DNAJC6: variants seen among roughly 807,000 people sequenced by gnomAD.
The protein encoded by DNAJC6 is auxilin.
In DNAJC6, 34 loss-of-function variants were observed where a neutral mutation model predicts 110.0. That is an observed-to-expected ratio of 0.31 (90% CI 0.24 to 0.41). The LOEUF is 0.41. Ranked by LOEUF, DNAJC6 falls within the 10% of genes least tolerant of loss-of-function variation. The probability of loss-of-function intolerance (pLI) is 1.00; values close to 1 mark genes in which losing one functional copy is unlikely to be tolerated. For missense variants in DNAJC6, 1,031 were observed against 1,207.8 expected (o/e 0.85, Z 2.17); for synonymous variants, 406 against 437.2 (o/e 0.93, Z 0.89).
intron 17 of DNAJC6, among the ~76,000 whole-genome samples, chr1:65,409,422 A>G (rs956550969): frequency 6.6e-6 from 1 of 152,116 alleles, no homozygotes; most frequent in African/African-American, 2.4e-5. Flanking sequence ...GGCAATATAG[A>G]TTTCTTTTGT....
chr1:65,309,692 A>G lies in DNAJC6; in HGVS notation c.-54A>G, dbSNP rs1486164931. 1.1e-5 allele frequency: 16 copies of G among 1,514,902 alleles called. No individual in the cohort carries two copies. Among genetic ancestry groups the G allele is most frequent in the Admixed American group, 1.1e-4 (5 of 47,492 alleles). The allele number at this position is 1,514,902 out of a possible 1,614,324, so 93.8% of individuals were successfully genotyped here. A position where few individuals can be genotyped will look rare whatever the true frequency, so the allele number is the denominator to read the frequency against. On this transcript the variant is annotated 5_prime_UTR_variant, in exon 1 of 19. Coordinates refer to ENST00000371069, the MANE Select transcript of DNAJC6 (RefSeq NM_001256864.2). ...CCTTCTTCAGCCCTTTCCACCTTCC[A>G]TCTCCCTTTTCGCTTCCCAGGTTGA...
intron 6 of DNAJC6, among the ~76,000 whole-genome samples, chr1:65,384,565 G>A (rs1267589612): frequency 6.6e-6 from 1 of 152,210 alleles, no homozygotes; most frequent in Non-Finnish European, 1.5e-5. Context: ...GAAGGGGAAG[G>A]AGGAGCAAAG....
intron 1 of DNAJC6, among the ~76,000 whole-genome samples, chr1:65,356,523 C>T (rs2375698): frequency 0.012 from 1,892 of 151,668 alleles, 24 homozygotes; most frequent in Non-Finnish European, 0.018. Flanking sequence ...GAGACTGCAC[C>T]ACTGCACTGC....
chr1:65,317,198 A>G (rs1357276981), intron 1 of DNAJC6, among the ~76,000 whole-genome samples: 3 of 152,236 alleles, frequency 2.0e-5, no homozygotes, highest in Non-Finnish European at 2.9e-5. Flanking sequence ...TTTGAGATGG[A>G]TGAAGAATGC....
At chr1:65,387,147 G>A (rs1025102296) in intron 8 of DNAJC6, among the ~76,000 whole-genome samples, 1 of 152,170 alleles carries the variant, frequency 6.6e-6, no homozygotes, top group Non-Finnish European at 1.5e-5. Context: ...CATGATGTCC[G>A]TGCCAGAGGA....
intron 1 of DNAJC6, among the ~76,000 whole-genome samples, chr1:65,345,266 G>GTA: frequency 1.4e-5 from 2 of 139,282 alleles, no homozygotes; most frequent in African/African-American, 5.3e-5. Flanking sequence ...GTGTGTGTGT[G>GTA]TATTTTGCCC....
chr1:65,338,837 C>T (rs1443540743), intron 1 of DNAJC6, among the ~76,000 whole-genome samples: 3 of 151,950 alleles, frequency 2.0e-5, no homozygotes, highest in Non-Finnish European at 4.4e-5. Flanking sequence ...AAGCTAATGC[C>T]CAGGTATGAC....
Position 65,398,484 on chromosome 1 carries a change from G to A in DNAJC6, c.2039-329G>A, listed in dbSNP as rs369387319. 5.9e-5 allele frequency among the ~76,000 whole-genome samples: 9 copies of A among 152,272 alleles called. No homozygotes were observed. The East Asian group carries it at 1.5e-3, about 26-fold the overall frequency. On this transcript the variant is annotated intron_variant, in intron 13 of 18. Transcript: ENST00000371069. ...CATAAGATAGTTCTTTCCTGACTTC[G>A]AGGGACTGACAATTGAATGGAGACA... is the stretch of plus-strand genomic sequence containing the variant.
At chr1:65,279,326 C>A in intron 1 of DNAJC6, 2 of 243,958 alleles carry the variant, frequency 8.2e-6, no homozygotes, top group Non-Finnish European at 1.3e-5. Flanking sequence ...GAGGTAGCTG[C>A]AGGGAAGGGG....
In DNAJC6 at chr1:65,398,759, A is replaced by G. The variant is rs147050982; in HGVS notation, c.2039-54A>G. ...TGGCATTATCCTGTGTGAACTCAGA[A>G]AAGTGGGTTCTGAGCTCTCTTGTTC... On this transcript the variant is annotated intron_variant, in intron 13 of 18. Transcript: ENST00000371069. 65 of 1,598,522 alleles carry G rather than the reference A, an allele frequency of 4.1e-5. No homozygotes were observed. The East Asian group carries it at 1.1e-3, about 26-fold the overall frequency.
intron 2 of DNAJC6, 102 bp from the exon 3 acceptor site, chr1:65,365,783 T>C (rs1483665790): frequency 7.7e-7 from 1 of 1,299,854 alleles, no homozygotes; most frequent in East Asian, 2.3e-5. Flanking sequence ...ACATGCCCCC[T>C]GGACAGCGGT....
At chr1:65,404,023 T>C (rs543668610) in intron 15 of DNAJC6, among the ~76,000 whole-genome samples, 1 of 152,340 alleles carries the variant, frequency 6.6e-6, no homozygotes, top group East Asian at 1.9e-4. Context: ...AAAACACATA[T>C]GTTCAGAACA....
At chr1:65,392,256 G>T (rs1383292097) in intron 11 of DNAJC6, among the ~76,000 whole-genome samples, 175 bp from the exon 12 acceptor site, 2 of 152,086 alleles carry the variant, frequency 1.3e-5, no homozygotes, top group Non-Finnish European at 2.9e-5. Context: ...CTCAACAAGT[G>T]GTAGTTGAAT....
chr1:65,384,285 T>C lies in DNAJC6; in HGVS notation c.759T>C (p.Tyr253=). The C allele has an allele frequency of 1.3e-6, 2 of 1,584,418 alleles. No homozygotes were observed. Among genetic ancestry groups the C allele is most frequent in the Non-Finnish European group, 1.7e-6 (2 of 1,167,394 alleles). ...STPGPAIRLL[Y]AKRPGIGLSP... is the part of the protein sequence containing the mutation. ...CTGGCCCAGCCATTCGATTGCTATATGCAAAGCGACCAGGAATTGGACTTT... is the reference window on the plus strand; with the variant it reads ...CTGGCCCAGCCATTCGATTGCTATACGCAAAGCGACCAGGAATTGGACTTT... The change falls in exon 6 of 19, where the codon TAT becomes TAC. Residue 253 remains tyrosine, a synonymous_variant. Coordinates refer to ENST00000371069, the MANE Select transcript of DNAJC6 (RefSeq NM_001256864.2).
At chr1:65,271,491 A>C (rs181563384) in intron 1 of DNAJC6, among the ~76,000 whole-genome samples, 1 of 152,214 alleles carries the variant, frequency 6.6e-6, no homozygotes, top group Non-Finnish European at 1.5e-5. Context: ...GATTCCACAC[A>C]CAAGTGAGAT....
chr1:65,272,552 T>G (rs1180837407), intron 1 of DNAJC6, among the ~76,000 whole-genome samples: 1 of 152,256 alleles, frequency 6.6e-6, no homozygotes, highest in East Asian at 1.9e-4. Flanking sequence ...TAAAATGAAT[T>G]AGGAAGTATT....
In DNAJC6 at chr1:65,267,473, C is replaced by G. The variant is rs533548563; in HGVS notation, c.-131+2541C>G. The stretch of plus-strand genomic sequence containing the variant: ...AACTGTCAGAAATCATTGCACATAG[C>G]AGAGGTAACTACTGTTTCCTGAAAC... On this transcript the variant is annotated intron_variant, in intron 1 of 19. Coordinates refer to the DNAJC6 transcript ENST00000263441. Among the ~76,000 whole-genome samples, 11 of 152,092 alleles carry G rather than the reference C, an allele frequency of 7.2e-5. No individual in the cohort carries two copies. In the East Asian group the frequency reaches 2.1e-3, roughly 29 times the overall value.
At chr1:65,335,559 A>C (rs1336984706) in intron 1 of DNAJC6, among the ~76,000 whole-genome samples, 1 of 152,192 alleles carries the variant, frequency 6.6e-6, no homozygotes, top group Non-Finnish European at 1.5e-5. Flanking sequence ...CTGAAAAAGA[A>C]ACATTTAAGG....
chr1:65,355,690 A>T (rs1260991461), intron 1 of DNAJC6, among the ~76,000 whole-genome samples: 1 of 152,204 alleles, frequency 6.6e-6, no homozygotes, highest in African/African-American at 2.4e-5. Context: ...GGTCACGTCA[A>T]GATGAGAAGC....
Sources: allele counts gnomAD v4.1 joint callset (sites outside exome capture counted in the v4.1 genomes callset), GRCh38; gene constraint gnomAD v4.1.1; transcripts MANE v1.5; gene names NCBI Gene and HGNC (gene_info 2026-07-23, HGNC 2026-07-21).